AIG1: variants seen among roughly 807,000 people sequenced by gnomAD.
AIG1 encodes androgen induced 1.
Under a neutral mutation model 31.4 loss-of-function variants are expected in AIG1, and 23 were observed. That is an observed-to-expected ratio of 0.73 (90% CI 0.53 to 1.04). The LOEUF is 1.04. Ranked by LOEUF, AIG1 falls within the 50% of genes least tolerant of loss-of-function variation. The pLI is 0.00. For missense variants in AIG1, 274 were observed against 295.0 expected, an observed-to-expected ratio of 0.93 and a Z score of 0.52; for synonymous variants, 100 against 110.5, an observed-to-expected ratio of 0.90 and a Z score of 0.60.
At chr6:143,188,182 T>A (rs940393302) in intron 3 of AIG1, 1 of 997,616 alleles carries the variant, frequency 1.0e-6, no homozygotes, top group African/African-American at 1.7e-5. Context: ...GGTATCTCTC[T>A]TTACTCGTAA....
upstream of AIG1, among the ~76,000 whole-genome samples, chr6:143,059,710 T>C (rs1776091585): frequency 6.6e-6 from 1 of 152,214 alleles, no homozygotes; most frequent in Admixed American, 6.5e-5. Context: ...TCTTTACCTC[T>C]AGCACTATGC....
rs1046106696 is a variant in AIG1 at position 143,256,546 on chromosome 6, T to G, written c.400-27564T>G. 6.6e-6 allele frequency among the ~76,000 whole-genome samples: 1 copy of G among 152,240 alleles called. No homozygotes were observed. The highest frequency in any genetic ancestry group is 6.5e-5 in the Admixed American group (1 of 15,286). Reference sequence around the variant, plus strand: ...AGTGATTTTCAAATGTTTCTTTAGTTATTGAACCCTAAATCCAAACAAAAT... The same window carrying G: ...AGTGATTTTCAAATGTTTCTTTAGTGATTGAACCCTAAATCCAAACAAAAT... On this transcript the variant is annotated intron_variant, in intron 3 of 5. Transcript: ENST00000357847. The surrounding 1 kb of genome is among the most constrained non-coding windows in gnomAD (Gnocchi z 4.6).
chr6:143,061,107 CCTGTGTGTGCGT>C, intron 1 of AIG1, 41 bp downstream of exon 1: 1 of 1,593,896 alleles, frequency 6.3e-7, no homozygotes, highest in Non-Finnish European at 8.6e-7. Flanking sequence ...GCACCCCGTG[CCTGTGTGTGCGT>C]GTGTGTGTGT....
At chr6:143,313,155 A>C (rs1775448725) in intron 4 of AIG1, among the ~76,000 whole-genome samples, 1 of 152,150 alleles carries the variant, frequency 6.6e-6, no homozygotes, top group South Asian at 2.1e-4. Context: ...GAGCCTCTTC[A>C]AAAAACTGAA....
At chr6:143,139,607 A>G (rs1249986483) in intron 2 of AIG1, among the ~76,000 whole-genome samples, 2 of 151,968 alleles carry the variant, frequency 1.3e-5, no homozygotes, top group Non-Finnish European at 2.9e-5. Flanking sequence ...TTCCCTTCAT[A>G]GTTACTAGTC....
At chr6:143,164,564 A>C (rs977855868) in intron 2 of AIG1, among the ~76,000 whole-genome samples, 4 of 152,190 alleles carry the variant, frequency 2.6e-5, no homozygotes, top group Non-Finnish European at 5.9e-5. Context: ...CATTTGCTGG[A>C]AATGTGACTT....
chr6:143,265,679 A>G (rs1030644212), intron 3 of AIG1, among the ~76,000 whole-genome samples: 2 of 152,226 alleles, frequency 1.3e-5, no homozygotes, highest in Non-Finnish European at 1.5e-5. Context: ...AGAGCTGAAC[A>G]CAATATACCT....
At chr6:143,113,963 A>G (rs563547902) in intron 1 of AIG1, among the ~76,000 whole-genome samples, 1 of 152,036 alleles carries the variant, frequency 6.6e-6, no homozygotes, top group East Asian at 2.0e-4. Flanking sequence ...TTTAGTAGAG[A>G]TGGGGTTTCA....
At chr6:143,111,980 A>T (rs946010688) in intron 1 of AIG1, among the ~76,000 whole-genome samples, 10 of 152,140 alleles carry the variant, frequency 6.6e-5, no homozygotes, top group African/African-American at 2.4e-4. Flanking sequence ...GTCATCCTCC[A>T]ATCTCATATC....
chr6:143,144,260 T>A (rs192221377), intron 2 of AIG1, among the ~76,000 whole-genome samples: 1 of 152,324 alleles, frequency 6.6e-6, no homozygotes, highest in East Asian at 1.9e-4. Flanking sequence ...CAGAAGTTCT[T>A]GTTAAATCAG....
chr6:143,241,260 T>A (rs1794214516), intron 3 of AIG1, among the ~76,000 whole-genome samples: 1 of 152,230 alleles, frequency 6.6e-6, no homozygotes, highest in South Asian at 2.1e-4. Context: ...AGAAACGCTG[T>A]TTCAGCGAAC....
rs1282346059 is a variant in AIG1 at position 143,256,072 on chromosome 6, A to G, written c.400-28038A>G. Among the ~76,000 whole-genome samples, 1 of 152,212 alleles carries G rather than the reference A, an allele frequency of 6.6e-6. No individual in the cohort carries two copies. The highest frequency in any genetic ancestry group is 1.5e-5 in the Non-Finnish European group (1 of 68,040). On this transcript the variant is annotated intron_variant, in intron 3 of 5. Coordinates refer to ENST00000357847, the MANE Select transcript of AIG1 (RefSeq NM_016108.4). This position sits in a 1 kb window ranked among gnomAD's most constrained non-coding sequence, Gnocchi z 4.6. ...TGGTGGCTTAGGTGCTTGAGCAAAT[A>G]TATAAAACTTTATAAATCAAATTTC... is the stretch of plus-strand genomic sequence containing the variant.
At chr6:143,147,137 A>C (rs1784784227) in intron 2 of AIG1, among the ~76,000 whole-genome samples, 1 of 152,168 alleles carries the variant, frequency 6.6e-6, no homozygotes, top group Admixed American at 6.5e-5. Context: ...TACTTGATTT[A>C]CCCATAGCAA....
At chr6:143,200,402 C>G (rs921590152) in intron 3 of AIG1, among the ~76,000 whole-genome samples, 10 of 151,964 alleles carry the variant, frequency 6.6e-5, no homozygotes, top group African/African-American at 2.4e-4. Context: ...AGCTGTATTC[C>G]CTGCCCACCC....
intron 1 of AIG1, among the ~76,000 whole-genome samples, chr6:143,083,959 A>G (rs1778523508): frequency 6.6e-6 from 1 of 152,178 alleles, no homozygotes; most frequent in African/African-American, 2.4e-5. Flanking sequence ...AGGCATAATT[A>G]GAAAGGCATG....
At chr6:143,245,093 C>T (rs1179613727) in intron 3 of AIG1, among the ~76,000 whole-genome samples, 3 of 152,134 alleles carry the variant, frequency 2.0e-5, no homozygotes, top group South Asian at 4.2e-4. Flanking sequence ...TCACCCATCT[C>T]GAAGCCCAGT....
At chr6:143,276,020 CTGCAGCCTCCTGGTAA>C (rs1796871017) in intron 3 of AIG1, among the ~76,000 whole-genome samples, 1 of 152,214 alleles carries the variant, frequency 6.6e-6, no homozygotes, top group African/African-American at 2.4e-5. Context: ...ACACACCGCA[CTGCAGCCTCCTGGTAA>C]TGCCATGGCC....
intron 3 of AIG1, among the ~76,000 whole-genome samples, chr6:143,240,377 A>T (rs1794154212): frequency 6.6e-6 from 1 of 152,234 alleles, no homozygotes; most frequent in South Asian, 2.1e-4. Flanking sequence ...TATGTTACAT[A>T]TGATGAAAGT....
chr6:143,305,424 G>A (rs184052555), intron 4 of AIG1, among the ~76,000 whole-genome samples: 12 of 152,032 alleles, frequency 7.9e-5, no homozygotes, highest in Non-Finnish European at 1.6e-4. Flanking sequence ...GGTATGTTGT[G>A]TCTTTGTTCT....
Sources: allele counts gnomAD v4.1 joint callset (sites outside exome capture counted in the v4.1 genomes callset), GRCh38; gene constraint gnomAD v4.1.1; non-coding constraint Gnocchi (gnomAD v3.1); transcripts MANE v1.5; gene names NCBI Gene and HGNC (gene_info 2026-07-23, HGNC 2026-07-21).